The following HMCN2 variants were observed in gnomAD, a reference collection of about 807,000 sequenced individuals.
HMCN2 encodes the protein hemicentin 2.
A neutral mutation model predicts 377.5 loss-of-function variants in HMCN2; 325 were observed. The ratio of observed to expected loss-of-function variants is 0.86; its 90% CI spans 0.79 to 0.94. The LOEUF (loss-of-function observed/expected upper bound fraction) is 0.94. Ranked by LOEUF, HMCN2 falls within the 40% of genes least tolerant of loss-of-function variation. The pLI is 0.00. For missense variants in HMCN2, 4,543 were observed against 4,725.3 expected (o/e 0.96, Z 1.13); for synonymous variants, 2,007 against 2,046.8 (o/e 0.98, Z 0.53).
chr9:130,419,718 T>A (rs1285185836), intron 86 of HMCN2: 1 of 146,566 alleles, frequency 6.8e-6, no homozygotes, highest in Non-Finnish European at 1.5e-5. Flanking sequence ...ACTCCCTATG[T>A]GTGGCGATGC....
chr9:130,396,104 C>T lies in HMCN2; in HGVS notation c.11053+39C>T, dbSNP rs1392015007. On this transcript the variant is annotated intron_variant, in intron 72 of 97. Transcript: ENST00000683500. ...GCCCCACCCCACCCTGCCCACCTTA[C>T]CCCACCCTGCCCACCCCCTTAGAGC... 5 of 708,106 alleles carry T rather than the reference C, an allele frequency of 7.1e-6. No homozygotes were observed. The African/African-American group carries it at 1.1e-4, about 15-fold the overall frequency. The allele number at this position is 708,106 out of a possible 1,614,324, so 43.9% of individuals were successfully genotyped here.
At chr9:130,395,140 C>CTGGGGCG in intron 70 of HMCN2, 32 bp downstream of exon 70, 1 of 271,032 alleles carries the variant, frequency 3.7e-6, no homozygotes, top group Non-Finnish European at 5.5e-6. Context: ...GGGGCAGGGC[C>CTGGGGCG]GGGAGGCAGG....
Position 130,304,478 on chromosome 9 carries a change from T to C in HMCN2, c.1544-252T>C, listed in dbSNP as rs1836722352. On this transcript the variant is annotated intron_variant, in intron 10 of 97. Coordinates refer to ENST00000683500, the MANE Select transcript of HMCN2 (RefSeq NM_001291815.2). This position sits in a 1 kb window ranked among gnomAD's most constrained non-coding sequence, Gnocchi z 4.3. The stretch of plus-strand genomic sequence containing the variant: ...GTTGCACATTGCACTGGCTGTATTT[T>C]GGAGAGCAGGCGTGTACCGTGCAGC... Among the ~76,000 whole-genome samples the C allele has an allele frequency of 6.6e-6, 1 of 152,192 alleles. No individual in the cohort carries two copies. Among genetic ancestry groups the C allele is most frequent in the Non-Finnish European group, 1.5e-5 (1 of 68,034 alleles).
At chr9:130,431,318 G>T in intron 95 of HMCN2, 49 bp from the exon 96 acceptor site, 1 of 1,528,578 alleles carries the variant, frequency 6.5e-7, no homozygotes. Flanking sequence ...GGCTCAGTGC[G>T]TCTCTCTGCC....
In HMCN2 at chr9:130,313,422, TAGG is replaced by T. The variant is rs1837370892; in HGVS notation, c.2350+3362_2350+3364del. Among the ~76,000 whole-genome samples the T allele has an allele frequency of 5.2e-3, 767 of 147,602 alleles. 2 individuals carry two copies. The highest frequency in any genetic ancestry group is 7.5e-3 in the Non-Finnish European group (488 of 65,302). ...CCTGGCATCTGCCAGTCAGGAGTCC[TAGG>T]CTCCATGCCCAGGTCCGCTGGTATT... On this transcript the variant is annotated intron_variant, in intron 15 of 97. Transcript: ENST00000683500.
At chr9:130,340,079 A>T (rs1177707231) in intron 23 of HMCN2, among the ~76,000 whole-genome samples, 1 of 152,154 alleles carries the variant, frequency 6.6e-6, no homozygotes, top group Non-Finnish European at 1.5e-5. Context: ...CCTTTCTGAG[A>T]CTCAGTTTCC....
intron 19 of HMCN2, among the ~76,000 whole-genome samples, chr9:130,325,032 C>T (rs1237729479): frequency 2.0e-5 from 3 of 151,768 alleles, no homozygotes; most frequent in African/African-American, 4.8e-5. Flanking sequence ...GCCTCTTCAT[C>T]GCTTCCTCCC....
intron 48 of HMCN2, among the ~76,000 whole-genome samples, chr9:130,373,879 C>CACGG (rs1841223514): frequency 7.7e-6 from 1 of 130,454 alleles, no homozygotes; most frequent in Admixed American, 7.4e-5. Flanking sequence ...TGGATGGGTG[C>CACGG]ATGGATGGAT....
At chr9:130,267,652 TAGGCTTC>T (rs1834194966) in intron 1 of HMCN2, among the ~76,000 whole-genome samples, 1 of 152,250 alleles carries the variant, frequency 6.6e-6, no homozygotes, top group South Asian at 2.1e-4. Context: ...TAGTTCTACG[TAGGCTTC>T]AGGCTGAGTT....
At chr9:130,429,131 G>A (rs1030678794) in intron 93 of HMCN2, 6 of 186,064 alleles carry the variant, frequency 3.2e-5, no homozygotes, top group South Asian at 1.2e-4. Context: ...CCTGCCTGCC[G>A]CCCTTCCTGC....
chr9:130,297,501 TG>T (rs2131321054), intron 7 of HMCN2, among the ~76,000 whole-genome samples: 1 of 152,270 alleles, frequency 6.6e-6, no homozygotes, highest in South Asian at 2.1e-4. Context: ...AATTTATAGT[TG>T]GGAAAATATA....
At position 130,391,112 on chromosome 9, in the gene HMCN2, C is replaced by G; in HGVS notation, c.9659C>G (p.Ala3220Gly). 1 of 987,866 alleles carries G rather than the reference C, an allele frequency of 1.0e-6. No homozygotes were observed. The highest frequency in any genetic ancestry group is 1.2e-6 in the Non-Finnish European group (1 of 830,238). 61.2% of individuals were successfully genotyped at this position (987,866 alleles called of 1,614,324 possible). ...QAEARKDFVV[A>G]VLVAPRIRSS... ...GAGGCCCGCAAGGACTTCGTGGTAG[C>G]AGTGCTGGGTAGGTCTGCGCCTGCA... The change falls in exon 63 of 98, where the codon GCA (alanine) becomes GGA (glycine). Residue 3220 changes from alanine (A) to glycine (G), a missense_variant. Transcript: ENST00000683500.
chr9:130,299,801 A>T lies in HMCN2; in HGVS notation c.1276+513A>T, dbSNP rs183056160. On this transcript the variant is annotated intron_variant, in intron 8 of 97. Coordinates refer to ENST00000683500, the MANE Select transcript of HMCN2 (RefSeq NM_001291815.2). ...CACCCATTCATCCACTCATCCACCC[A>T]TCCATTCATGCATGCATTGACTCAC... 2.3e-4 allele frequency among the ~76,000 whole-genome samples: 34 copies of T among 146,854 alleles called. No individual in the cohort carries two copies. In the East Asian group the frequency reaches 6.7e-3, roughly 29 times the overall value.
chr9:130,286,487 C>A (rs1404517864), intron 4 of HMCN2, among the ~76,000 whole-genome samples, 177 bp downstream of exon 4: 2 of 152,250 alleles, frequency 1.3e-5, no homozygotes, highest in African/African-American at 4.8e-5. Context: ...ACGCGCTGTG[C>A]TCAGGTGCCA....
intron 43 of HMCN2, among the ~76,000 whole-genome samples, chr9:130,366,246 C>T (rs748471281): frequency 8.5e-5 from 13 of 152,140 alleles, no homozygotes; most frequent in Admixed American, 5.2e-4. Flanking sequence ...TCACTTCAGA[C>T]GTCCCTTCTT....
chr9:130,329,422 G>T (rs1824356624), intron 22 of HMCN2, among the ~76,000 whole-genome samples: 1 of 150,798 alleles, frequency 6.6e-6, no homozygotes, highest in African/African-American at 2.4e-5. Context: ...ACATTTTGGT[G>T]GCTGTGAATA....
chr9:130,281,228 A>C (rs924673186), intron 1 of HMCN2, among the ~76,000 whole-genome samples: 10 of 152,026 alleles, frequency 6.6e-5, no homozygotes, highest in Admixed American at 6.6e-4. Context: ...TCTTGAGGTC[A>C]TCCGGACCTG....
chr9:130,417,124 G>A lies in HMCN2; in HGVS notation c.12962-1648G>A, dbSNP rs145137022. Among the ~76,000 whole-genome samples, 14 of 151,024 alleles carry A rather than the reference G, an allele frequency of 9.3e-5. No homozygotes were observed. In the East Asian group the frequency reaches 2.3e-3, roughly 25 times the overall value. On this transcript the variant is annotated intron_variant, in intron 85 of 97. Transcript: ENST00000683500. Reference sequence around the variant, plus strand: ...AATAGGGTTTCACCATGTTGGCCAGGCTCTTCTCAAATTCCTAGGTTCAAG... The same window carrying A: ...AATAGGGTTTCACCATGTTGGCCAGACTCTTCTCAAATTCCTAGGTTCAAG...
intron 43 of HMCN2, among the ~76,000 whole-genome samples, chr9:130,366,467 ATTTTTTTTTTTT>A (rs71499234): frequency 7.1e-4 from 59 of 82,988 alleles, no homozygotes; most frequent in African/African-American, 2.2e-3. Flanking sequence ...CACTTCACCA[ATTTTTTTTTTTT>A]TTTTTTTTTT....
Sources: gnomAD v4.1 joint callset for allele counts (sites outside exome capture counted in the v4.1 genomes callset) on GRCh38, gnomAD v4.1.1 for gene constraint, Gnocchi (gnomAD v3.1) non-coding constraint, MANE v1.5 for transcripts, NCBI Gene and HGNC (gene_info 2026-07-23, HGNC 2026-07-21) for gene names.